The following SND1 variants were observed in gnomAD, a reference collection of about 807,000 sequenced individuals.
SND1 encodes the protein staphylococcal nuclease domain-containing protein 1.
Under a neutral mutation model 121.7 loss-of-function variants are expected in SND1, and 38 were observed. The ratio of observed to expected loss-of-function variants is 0.31; its 90% CI spans 0.24 to 0.41. The LOEUF (loss-of-function observed/expected upper bound fraction) is 0.41. Ranked by LOEUF, SND1 falls within the 10% of genes least tolerant of loss-of-function variation. The probability of loss-of-function intolerance (pLI) is 1.00; values close to 1 mark genes in which losing one functional copy is unlikely to be tolerated. For missense variants in SND1, 868 were observed against 1,184.6 expected, an observed-to-expected ratio of 0.73 and a Z score of 3.92; for synonymous variants, 401 against 447.4, an observed-to-expected ratio of 0.90 and a Z score of 1.31.
chr7:127,653,597 C>T (rs2116213735), intron 1 of SND1, among the ~76,000 whole-genome samples: 1 of 152,122 alleles, frequency 6.6e-6, no homozygotes, highest in Middle Eastern at 3.4e-3. Context: ...TTGCTTGAGG[C>T]CAGGAGTTGG....
chr7:128,075,656 C>T (rs2117052302), intron 17 of SND1, among the ~76,000 whole-genome samples: 1 of 152,302 alleles, frequency 6.6e-6, no homozygotes, highest in Non-Finnish European at 1.5e-5. Context: ...GCAACCAGCC[C>T]CTTGGTGGTA....
At chr7:128,037,365 A>G (rs1264589278) in intron 16 of SND1, among the ~76,000 whole-genome samples, 1 of 152,138 alleles carries the variant, frequency 6.6e-6, no homozygotes, top group Non-Finnish European at 1.5e-5. Flanking sequence ...TGTGACTTAT[A>G]AGGACACCTG....
chr7:128,087,622 T>C (rs1793707903), intron 21 of SND1, among the ~76,000 whole-genome samples: 1 of 152,120 alleles, frequency 6.6e-6, no homozygotes, highest in Admixed American at 6.6e-5. Flanking sequence ...AAGGAGCGAA[T>C]TTGGGCAGTG....
At chr7:127,961,979 C>T (rs1225733638) in intron 15 of SND1, among the ~76,000 whole-genome samples, 1 of 152,120 alleles carries the variant, frequency 6.6e-6, no homozygotes, top group Non-Finnish European at 1.5e-5. Flanking sequence ...ATCACGTGAT[C>T]GGATCCTATA....
intron 11 of SND1, among the ~76,000 whole-genome samples, chr7:127,838,198 G>A (rs1486118359): frequency 6.6e-6 from 1 of 152,204 alleles, no homozygotes; most frequent in African/African-American, 2.4e-5. Context: ...CAGGGGAACA[G>A]ATGTCAACTA....
chr7:128,085,796 C>A lies in SND1; in HGVS notation c.2304+16C>A, dbSNP rs368147230. 1.2e-6 allele frequency: 2 copies of A among 1,610,840 alleles called. No homozygotes were observed. Among genetic ancestry groups the A allele is most frequent in the African/African-American group, 2.7e-5 (2 of 74,832 alleles). On this transcript the variant is annotated intron_variant, in intron 20 of 23. Transcript: ENST00000354725. This position sits in a 1 kb window ranked among gnomAD's most constrained non-coding sequence, Gnocchi z 4.4. Reference sequence around the variant, plus strand: ...CTACGGCAACGTGAGTGTTGGGGACCAGAGTGTTGGAGGGGCTATCAAACA... The same window carrying A: ...CTACGGCAACGTGAGTGTTGGGGACAAGAGTGTTGGAGGGGCTATCAAACA...
intron 10 of SND1, among the ~76,000 whole-genome samples, chr7:127,753,391 C>T (rs890509791): frequency 1.3e-5 from 2 of 151,892 alleles, no homozygotes; most frequent in African/African-American, 4.8e-5. Flanking sequence ...TGCTAGGAGG[C>T]AGATGTTGTT....
intron 15 of SND1, among the ~76,000 whole-genome samples, chr7:127,957,783 C>T (rs1033810400): frequency 7.2e-5 from 11 of 152,200 alleles, no homozygotes; most frequent in Non-Finnish European, 1.5e-5. Flanking sequence ...TCACTGCAAC[C>T]TCCACCTCCC....
At chr7:127,909,451 T>C in intron 14 of SND1, among the ~76,000 whole-genome samples, 1 of 131,402 alleles carries the variant, frequency 7.6e-6, no homozygotes, top group Non-Finnish European at 1.6e-5. Flanking sequence ...GTATTTCTGA[T>C]TTTTTTTTTT....
chr7:127,899,397 A>G (rs1800183579), intron 13 of SND1, among the ~76,000 whole-genome samples: 1 of 152,150 alleles, frequency 6.6e-6, no homozygotes, highest in Non-Finnish European at 1.5e-5. Context: ...GTGGCTACAG[A>G]TAGGTGATAC....
In SND1 at chr7:128,074,458, T is replaced by C. The variant is rs754436528; in HGVS notation, c.1780-44T>C. 4.5e-6 allele frequency: 7 copies of C among 1,565,344 alleles called. No individual in the cohort carries two copies. In the East Asian group the frequency reaches 1.6e-4, roughly 35 times the overall value. On this transcript the variant is annotated intron_variant, in intron 16 of 23. Coordinates refer to ENST00000354725, the MANE Select transcript of SND1 (RefSeq NM_014390.4). ...CCCCACGGGCACAGCCCCTGCACAC[T>C]CAGGCCTGGCCCCCACAGGCTTACG... is the stretch of plus-strand genomic sequence containing the variant.
intron 10 of SND1, among the ~76,000 whole-genome samples, chr7:127,785,901 T>A (rs1797804065): frequency 6.6e-6 from 1 of 152,218 alleles, no homozygotes. Context: ...CCAGCTATGC[T>A]GCATGTTTAT....
At chr7:127,675,743 T>G (rs1409296463) in intron 1 of SND1, among the ~76,000 whole-genome samples, 1 of 152,230 alleles carries the variant, frequency 6.6e-6, no homozygotes, top group East Asian at 1.9e-4. Context: ...CTCTGATAAG[T>G]TAACACATAA....
At chr7:127,855,820 TC>T (rs910900598) in intron 12 of SND1, among the ~76,000 whole-genome samples, 2 of 152,214 alleles carry the variant, frequency 1.3e-5, no homozygotes, top group Non-Finnish European at 2.9e-5. Flanking sequence ...TTCATCACAC[TC>T]CCTGTGGCCA....
intron 10 of SND1, among the ~76,000 whole-genome samples, chr7:127,750,408 T>G (rs1372238947): frequency 1.3e-5 from 2 of 152,176 alleles, no homozygotes; most frequent in African/African-American, 2.4e-5. Context: ...TCCTTAGGGA[T>G]TGAATTCAGA....
At chr7:127,771,559 T>G (rs1797512949) in intron 10 of SND1, among the ~76,000 whole-genome samples, 1 of 152,204 alleles carries the variant, frequency 6.6e-6, no homozygotes. Flanking sequence ...TGTAGTGTAT[T>G]CATGAAGTGT....
intron 14 of SND1, among the ~76,000 whole-genome samples, chr7:127,908,839 A>G (rs965283805): frequency 2.0e-5 from 3 of 152,198 alleles, no homozygotes; most frequent in Non-Finnish European, 4.4e-5. Flanking sequence ...CCTGCTCCGT[A>G]ATAAATACAA....
intron 13 of SND1, among the ~76,000 whole-genome samples, chr7:127,895,751 G>A (rs774989080): frequency 2.8e-4 from 43 of 152,080 alleles, no homozygotes; most frequent in African/African-American, 1.0e-3. Flanking sequence ...CATCCAAATA[G>A]CAGTAATCAA....
intron 10 of SND1, among the ~76,000 whole-genome samples, chr7:127,793,302 T>C (rs1205713902): frequency 6.6e-6 from 1 of 152,332 alleles, no homozygotes; most frequent in African/African-American, 2.4e-5. Flanking sequence ...CTCTGACATA[T>C]GTGATATCGG....
Sources: allele counts gnomAD v4.1 joint callset (sites outside exome capture counted in the v4.1 genomes callset), GRCh38; gene constraint gnomAD v4.1.1; non-coding constraint Gnocchi (gnomAD v3.1); transcripts MANE v1.5; gene names NCBI Gene and HGNC (gene_info 2026-07-23, HGNC 2026-07-21).